The following AP3B1 variants were observed in gnomAD, a reference collection of about 807,000 sequenced individuals.
The protein encoded by AP3B1 is AP-3 complex subunit beta-1.
Under a neutral mutation model 132.5 loss-of-function variants are expected in AP3B1, and 61 were observed. That is an observed-to-expected ratio of 0.46 (90% CI 0.37 to 0.57). AP3B1 has a LOEUF of 0.57. Among genes scored for constraint, AP3B1 ranks in the 20% least tolerant of loss-of-function variants. AP3B1 has a pLI of 0.00. For synonymous variants in AP3B1, 388 were observed against 438.3 expected (o/e 0.89, Z 1.43); for missense variants, 1,120 against 1,289.4 (o/e 0.87, Z 2.01).
At chr5:78,201,924 T>G (rs1167867872) in intron 7 of AP3B1, among the ~76,000 whole-genome samples, 1 of 152,116 alleles carries the variant, frequency 6.6e-6, no homozygotes, top group Non-Finnish European at 1.5e-5. Flanking sequence ...GCAAAAGCAG[T>G]CCTATATAAG....
At chr5:78,064,755 T>G (rs1379179864) in intron 22 of AP3B1, among the ~76,000 whole-genome samples, 1 of 152,222 alleles carries the variant, frequency 6.6e-6, no homozygotes, top group African/African-American at 2.4e-5. Flanking sequence ...TCAAATAATT[T>G]AAAGCAATAA....
intron 22 of AP3B1, among the ~76,000 whole-genome samples, chr5:78,078,346 C>G (rs1041356140): frequency 6.6e-6 from 1 of 152,172 alleles, no homozygotes; most frequent in Non-Finnish European, 1.5e-5. Context: ...TCCAATTAAT[C>G]TTTCACACAA....
At chr5:78,181,297 T>A (rs1744357977) in intron 8 of AP3B1, among the ~76,000 whole-genome samples, 1 of 152,118 alleles carries the variant, frequency 6.6e-6, no homozygotes, top group African/African-American at 2.4e-5. Flanking sequence ...AAGGCTGAAA[T>A]ATATTTAGGT....
chr5:78,165,599 T>C lies in AP3B1; in HGVS notation c.1230+11A>G. ...TTTAGAAGTTTTTTATAATTAGCAC[T>C]GTACACAAACCTGAAATTCTCGAAG... On this transcript the variant is annotated intron_variant, in intron 12 of 26. Transcript: ENST00000255194. 6.3e-7 allele frequency: 1 copy of C among 1,596,212 alleles called. No individual in the cohort carries two copies. Among genetic ancestry groups the C allele is most frequent in the Non-Finnish European group, 8.6e-7 (1 of 1,165,026 alleles).
chr5:78,050,760 T>C (rs1408962124), intron 22 of AP3B1, among the ~76,000 whole-genome samples: 3 of 152,212 alleles, frequency 2.0e-5, no homozygotes. Context: ...TTGAAAACAT[T>C]AGTTTTGATT....
chr5:78,125,722 A>T (rs897668658), intron 17 of AP3B1, among the ~76,000 whole-genome samples: 1 of 152,102 alleles, frequency 6.6e-6, no homozygotes. Flanking sequence ...AGTTATAATG[A>T]TTCTCTCTAA....
At chr5:78,243,874 A>C (rs566057921) in intron 2 of AP3B1, among the ~76,000 whole-genome samples, 2 of 152,362 alleles carry the variant, frequency 1.3e-5, no homozygotes, top group African/African-American at 4.8e-5. Flanking sequence ...TGAGTGAAGC[A>C]GGAGACCAAT....
At chr5:78,052,936 A>G (rs1211204903) in intron 22 of AP3B1, among the ~76,000 whole-genome samples, 1 of 152,232 alleles carries the variant, frequency 6.6e-6, no homozygotes, top group African/African-American at 2.4e-5. Flanking sequence ...GAGTACTAAT[A>G]AAAACAGACT....
intron 22 of AP3B1, among the ~76,000 whole-genome samples, chr5:78,088,283 T>C (rs537598305): frequency 1.5e-3 from 235 of 152,326 alleles, no homozygotes; most frequent in African/African-American, 5.6e-3. Context: ...CTTTTCCTTT[T>C]AGAAACAAGG....
At chr5:78,277,609 A>C (rs746973277) in intron 1 of AP3B1, among the ~76,000 whole-genome samples, 6 of 152,228 alleles carry the variant, frequency 3.9e-5, no homozygotes, top group African/African-American at 9.6e-5. Context: ...ATACAAGATA[A>C]CAGAGCAAGA....
chr5:78,048,183 T>A (rs1256663656), intron 22 of AP3B1, among the ~76,000 whole-genome samples: 1 of 152,210 alleles, frequency 6.6e-6, no homozygotes, highest in African/African-American at 2.4e-5. Flanking sequence ...CTTTAATTAT[T>A]CCTGTGGGTT....
In AP3B1 at chr5:78,227,460, T is replaced by C. The variant is rs763118037; in HGVS notation, c.448A>G (p.Ile150Val). ...GCTTCCTTAATAGCAAGCATCATGA[T>C]AGGTACAATAATTGGCACTCTAATA... ...SSIRVPIIVP[I>V]MMLAIKEASA... The change falls in exon 5 of 27, where the codon ATC becomes GTC. Residue 150 changes from isoleucine (I) to valine (V), a missense_variant. Around this residue, in one of 3 missense-constraint regions of AP3B1, gnomAD observed 129 missense variants for 212.4 expected, o/e 0.61. Coordinates refer to ENST00000255194, the MANE Select transcript of AP3B1 (RefSeq NM_003664.5). 2.5e-6 allele frequency: 4 copies of C among 1,613,774 alleles called. No homozygotes were observed. Among genetic ancestry groups the C allele is most frequent in the Non-Finnish European group, 3.4e-6 (4 of 1,179,760 alleles).
intron 1 of AP3B1, among the ~76,000 whole-genome samples, chr5:78,270,731 A>AT: frequency 6.6e-6 from 1 of 152,348 alleles, no homozygotes; most frequent in South Asian, 2.1e-4. Flanking sequence ...TGTGCAAAAC[A>AT]TTAAGGCTTA....
At chr5:78,215,407 T>C (rs1354478415) in intron 7 of AP3B1, among the ~76,000 whole-genome samples, 1 of 151,906 alleles carries the variant, frequency 6.6e-6, no homozygotes, top group African/African-American at 2.4e-5. Context: ...ATTTTCTAAA[T>C]TGTCAATATG....
chr5:78,294,647 G>C lies in AP3B1; in HGVS notation c.-68C>G, dbSNP rs1003294300. ...TCTCTCCAAAAGGTTCCAGTCCAGA[G>C]GGCACGGAACAAAACTAGTTCTCGT... On this transcript the variant is annotated 5_prime_UTR_variant, in exon 1 of 27. Coordinates refer to ENST00000255194, the MANE Select transcript of AP3B1 (RefSeq NM_003664.5). The C allele has an allele frequency of 6.2e-7, 1 of 1,609,406 alleles. No homozygotes were observed. Among genetic ancestry groups the C allele is most frequent in the East Asian group, 2.2e-5 (1 of 44,856 alleles).
chr5:78,227,449 A>C lies in AP3B1; in HGVS notation c.459T>G (p.Leu153=). Residue 153 remains leucine (L), a synonymous_variant, in exon 5 of 27, where the codon CTT becomes CTG. Coordinates refer to ENST00000255194, the MANE Select transcript of AP3B1 (RefSeq NM_003664.5). The part of the protein sequence containing the change: ...RVPIIVPIMM[L]AIKEASADLS... ...AGTCAGCAGAAGCTTCCTTAATAGC[A>C]AGCATCATGATAGGTACAATAATTG... is the stretch of plus-strand genomic sequence containing the variant. 6.2e-7 allele frequency: 1 copy of C among 1,613,790 alleles called. No homozygotes were observed. Among genetic ancestry groups the C allele is most frequent in the Non-Finnish European group, 8.5e-7 (1 of 1,179,788 alleles).
At chr5:78,009,379 G>A (rs887111368) in intron 26 of AP3B1, among the ~76,000 whole-genome samples, 7 of 151,792 alleles carry the variant, frequency 4.6e-5, no homozygotes, top group Non-Finnish European at 8.8e-5. Flanking sequence ...ACGATTGCCT[G>A]GGCCCAGTTC....
intron 3 of AP3B1, among the ~76,000 whole-genome samples, chr5:78,237,359 T>C (rs1290608569): frequency 6.6e-6 from 1 of 150,750 alleles, no homozygotes; most frequent in Admixed American, 6.6e-5. Context: ...CCAGGAGTAG[T>C]GGCACGCACC....
At chr5:78,007,533 C>T (rs142164363) in intron 26 of AP3B1, among the ~76,000 whole-genome samples, 124 of 152,210 alleles carry the variant, frequency 8.1e-4, no homozygotes, top group African/African-American at 2.8e-3. Flanking sequence ...AGATGCAGTG[C>T]CCTGCCCTAG....
Sources: allele counts gnomAD v4.1 joint callset (sites outside exome capture counted in the v4.1 genomes callset), GRCh38; gene constraint gnomAD v4.1.1; regional missense constraint gnomAD v4.1.1; transcripts MANE v1.5; gene names NCBI Gene and HGNC (gene_info 2026-07-23, HGNC 2026-07-21).